NCS1: variants seen among roughly 807,000 people sequenced by gnomAD.
NCS1 encodes neuronal calcium sensor 1.
NCS1 carries 6 observed loss-of-function variants against 28.4 expected under a neutral mutation model. The ratio of observed to expected loss-of-function variants is 0.21; its 90% CI spans 0.12 to 0.42. NCS1 has a LOEUF of 0.42. Ranked by LOEUF, NCS1 falls within the 10% of genes least tolerant of loss-of-function variation. The pLI is 1.00. For synonymous variants in NCS1, 86 were observed against 99.3 expected, an observed-to-expected ratio of 0.87 and a Z score of 0.79; for missense variants, 131 against 241.4, an observed-to-expected ratio of 0.54 and a Z score of 3.03.
chr9:130,227,866 A>G (rs896370073), intron 7 of NCS1, among the ~76,000 whole-genome samples: 3 of 152,224 alleles, frequency 2.0e-5, no homozygotes, highest in Non-Finnish European at 4.4e-5. Flanking sequence ...GCCCAGGTCT[A>G]TCCTGGATTT....
chr9:130,186,518 T>G lies in NCS1; in HGVS notation c.64+13791T>G, dbSNP rs1253822009. On this transcript the variant is annotated intron_variant, in intron 1 of 7. Coordinates refer to ENST00000372398, the MANE Select transcript of NCS1 (RefSeq NM_014286.4). The surrounding 1 kb of genome is among the most constrained non-coding windows in gnomAD (Gnocchi z 4.1). Reference sequence around the variant, plus strand: ...GAGAAGTTTGCGGGGAGGGTTTGTGTGGGGGACGATGAGAGTGCTTCAGGC... The same window carrying G: ...GAGAAGTTTGCGGGGAGGGTTTGTGGGGGGGACGATGAGAGTGCTTCAGGC... Among the ~76,000 whole-genome samples, 4 of 152,098 alleles carry G rather than the reference T, an allele frequency of 2.6e-5. No homozygotes were observed. The highest frequency in any genetic ancestry group is 5.9e-5 in the Non-Finnish European group (4 of 68,018).
intron 5 of NCS1, 29 bp from the exon 6 acceptor site, chr9:130,223,053 G>A: frequency 6.2e-7 from 1 of 1,600,766 alleles, no homozygotes; most frequent in Non-Finnish European, 8.6e-7. Flanking sequence ...GAGTGCCAGG[G>A]CCCACCCCCG....
chr9:130,199,575 G>T (rs562780476), intron 1 of NCS1, among the ~76,000 whole-genome samples: 96 of 152,302 alleles, frequency 6.3e-4, no homozygotes, highest in Non-Finnish European at 1.1e-3. Flanking sequence ...GCCACTTCCT[G>T]ATCTCTTTGT....
At chr9:130,211,644 C>T (rs911498534) in intron 2 of NCS1, among the ~76,000 whole-genome samples, 42 of 152,144 alleles carry the variant, frequency 2.8e-4, no homozygotes, top group Admixed American at 1.9e-3. Context: ...TTCCTGGTAC[C>T]GAGCACAGAG....
chr9:130,204,335 C>A lies in NCS1; in HGVS notation c.89+3353C>A, dbSNP rs1832998400. Among the ~76,000 whole-genome samples, 5 of 152,048 alleles carry A rather than the reference C, an allele frequency of 3.3e-5. No individual in the cohort carries two copies. The South Asian group carries it at 1.0e-3, about 32-fold the overall frequency. The stretch of plus-strand genomic sequence containing the variant: ...ACAGGGTGTTGCCCTGTCGCCCAGG[C>A]TGGAGTGTGGTGGTACTACCAAAGC... On this transcript the variant is annotated intron_variant, in intron 2 of 7. Transcript: ENST00000372398.
chr9:130,199,829 T>G (rs1374811571), intron 1 of NCS1, among the ~76,000 whole-genome samples: 1 of 152,230 alleles, frequency 6.6e-6, no homozygotes, highest in African/African-American at 2.4e-5. Context: ...CCCACTTCCC[T>G]GGGAATAGAT....
Position 130,221,868 on chromosome 9 carries a change from AAT to A in NCS1, c.308-774_308-773del, listed in dbSNP as rs1554910546. On this transcript the variant is annotated intron_variant, in intron 4 of 7. Transcript: ENST00000372398. ...CATAAATATAAATTATGTATATATA[AAT>A]ATATATACATAATACATAAATATAA... is the stretch of plus-strand genomic sequence containing the variant. Among the ~76,000 whole-genome samples, 23 of 17,892 alleles carry A rather than the reference AAT, an allele frequency of 1.3e-3. 2 individuals are homozygous for A. The highest frequency in any genetic ancestry group is 5.9e-3 in the African/African-American group (22 of 3,698). 11.7% of individuals were successfully genotyped at this position (17,892 alleles called of 152,430 possible).
intron 1 of NCS1, chr9:130,200,642 G>T (rs1398810840): frequency 1.9e-6 from 3 of 1,551,730 alleles, no homozygotes; most frequent in Non-Finnish European, 2.6e-6. Context: ...TGGGAGCAAG[G>T]GCTGTGGGAG....
intron 1 of NCS1, among the ~76,000 whole-genome samples, chr9:130,188,386 G>C (rs1358837699): frequency 6.6e-6 from 1 of 151,558 alleles, no homozygotes; most frequent in Non-Finnish European, 1.5e-5. Flanking sequence ...AGGCTAGGTT[G>C]GGTTCCTGCT....
chr9:130,227,946 G>T (rs1345079691), intron 7 of NCS1, among the ~76,000 whole-genome samples: 4 of 152,274 alleles, frequency 2.6e-5, no homozygotes, highest in Middle Eastern at 6.8e-3. Context: ...TCAGCCATTG[G>T]CCAGGGCTGT....
chr9:130,230,430 C>T (rs551264952), intron 7 of NCS1, among the ~76,000 whole-genome samples: 77 of 152,182 alleles, frequency 5.1e-4, no homozygotes, highest in African/African-American at 1.6e-3. Context: ...GCTGAGTGGG[C>T]GCCTGTGGTC....
chr9:130,204,580 C>T (rs1260166147), intron 2 of NCS1, among the ~76,000 whole-genome samples: 8 of 152,198 alleles, frequency 5.3e-5, no homozygotes, highest in African/African-American at 1.4e-4. Flanking sequence ...CGAGCCACTG[C>T]GCCCGCCTCT....
intron 3 of NCS1, among the ~76,000 whole-genome samples, chr9:130,218,837 C>G (rs892864019): frequency 8.5e-5 from 13 of 152,152 alleles, no homozygotes; most frequent in African/African-American, 2.9e-4. Flanking sequence ...ATGATCCACC[C>G]ACCTTGGTCT....
intron 7 of NCS1, among the ~76,000 whole-genome samples, chr9:130,228,848 T>G (rs1833455236): frequency 6.6e-6 from 1 of 151,702 alleles, no homozygotes; most frequent in African/African-American, 2.4e-5. Context: ...TTTTCCATTT[T>G]TAGTAAAGAT....
rs1165101270 is a variant in NCS1 at position 130,235,589 on chromosome 9, G to A, written c.*2617G>A. 6.6e-6 allele frequency: 1 copy of A among 152,354 alleles called. No individual in the cohort carries two copies. Among genetic ancestry groups the A allele is most frequent in the Admixed American group, 6.5e-5 (1 of 15,292 alleles). The allele number at this position is 152,354 out of a possible 1,614,324, so 9.4% of individuals were successfully genotyped here. ...GCAGATGGTATGCTTGCGGACCGCA[G>A]CCCAGCATGCCGGTGGGCCCACAGC... On this transcript the variant is annotated 3_prime_UTR_variant, in exon 8 of 8. Transcript: ENST00000372398.
rs1209765749 is a variant in NCS1, at chr9:130,236,791, G to A, written c.*3819G>A. 1 of 152,140 alleles carries A rather than the reference G, an allele frequency of 6.6e-6. No individual in the cohort carries two copies. The highest frequency in any genetic ancestry group is 1.5e-5 in the Non-Finnish European group (1 of 68,074). The allele number at this position is 152,140 out of a possible 1,614,324, so 9.4% of individuals were successfully genotyped here. On this transcript the variant is annotated 3_prime_UTR_variant, in exon 8 of 8. Transcript: ENST00000372398. Reference sequence around the variant, plus strand: ...CCCAGGGAGGCCCACCTCACTCCCAGCCTGACTCGGTGGCTGGCTTCCTTC... The same window carrying A: ...CCCAGGGAGGCCCACCTCACTCCCAACCTGACTCGGTGGCTGGCTTCCTTC...
At chr9:130,221,079 A>C (rs932028136) in intron 4 of NCS1, among the ~76,000 whole-genome samples, 4 of 152,022 alleles carry the variant, frequency 2.6e-5, no homozygotes, top group Non-Finnish European at 1.5e-5. Context: ...GCTGGAGTGC[A>C]GTGGCACAAT....
chr9:130,196,698 A>C (rs1413404029), intron 1 of NCS1, among the ~76,000 whole-genome samples: 1 of 151,984 alleles, frequency 6.6e-6, no homozygotes, highest in Admixed American at 6.6e-5. Flanking sequence ...CAGATCAACC[A>C]TTGCACTCTA....
intron 3 of NCS1, among the ~76,000 whole-genome samples, chr9:130,218,471 C>T (rs1833221822): frequency 6.6e-6 from 1 of 152,236 alleles, no homozygotes; most frequent in Non-Finnish European, 1.5e-5. Flanking sequence ...TGCATGTATA[C>T]ACATGTACAC....
Sources: allele counts gnomAD v4.1 joint callset (sites outside exome capture counted in the v4.1 genomes callset), GRCh38; gene constraint gnomAD v4.1.1; non-coding constraint Gnocchi (gnomAD v3.1); transcripts MANE v1.5; gene names NCBI Gene and HGNC (gene_info 2026-07-23, HGNC 2026-07-21).